DNAH1: variants seen among roughly 807,000 people sequenced by gnomAD.
The protein encoded by DNAH1 is axonemal beta dynein heavy chain 1.
Under a neutral mutation model 484.3 loss-of-function variants are expected in DNAH1, and 327 were observed. The observed-to-expected ratio is 0.68, with a 90% confidence interval of 0.62 to 0.74. The LOEUF (loss-of-function observed/expected upper bound fraction) is 0.74. DNAH1 is among the 30% of genes least tolerant of loss of function. DNAH1 has a pLI of 0.00. For missense variants in DNAH1, 5,052 were observed against 5,546.8 expected (o/e 0.91, Z 2.83); for synonymous variants, 2,192 against 2,191.9 (o/e 1.00, Z 0.00).
chr3:52,316,562 C>T lies in DNAH1; in HGVS notation c.-35+17C>T, dbSNP rs1700958688. 6.6e-6 allele frequency: 1 copy of T among 152,252 alleles called. No individual in the cohort carries two copies. The highest frequency in any genetic ancestry group is 1.9e-4 in the East Asian group (1 of 5,200). The allele number at this position is 152,252 out of a possible 1,614,324, so 9.4% of individuals were successfully genotyped here. ...TCTTGAAGGGTGAGTAGGAGTCCGC[C>T]AGATGCAGGAGTGGATGGAGACAGG... On this transcript the variant is annotated intron_variant, in intron 1 of 77. Coordinates refer to ENST00000420323, the MANE Select transcript of DNAH1 (RefSeq NM_015512.5).
In DNAH1 at chr3:52,384,880, G is replaced by GC; in HGVS notation, c.8418dup (p.Tyr2807LeufsTer38). ...CGCCACAACTATGTGACCCCCAAGA[G>GC]CTACTTGGAGCTGCTTCATATTTTC... On this transcript the variant is annotated frameshift_variant, in exon 53 of 78. Coordinates refer to ENST00000420323, the MANE Select transcript of DNAH1 (RefSeq NM_015512.5). LOFTEE classifies it high-confidence loss of function. 6.2e-7 allele frequency: 1 copy of GC among 1,613,390 alleles called. No homozygotes were observed. Among genetic ancestry groups the GC allele is most frequent in the Non-Finnish European group, 8.5e-7 (1 of 1,179,612 alleles).
chr3:52,389,711 C>A (rs1229044971), intron 60 of DNAH1, 125 bp downstream of exon 60: 2 of 1,116,588 alleles, frequency 1.8e-6, no homozygotes, highest in East Asian at 3.3e-5. Flanking sequence ...CTCTGCTGAA[C>A]CCTCCTGTGC....
chr3:52,348,776 C>T, intron 12 of DNAH1, 112 bp from the exon 13 acceptor site: 1 of 1,192,626 alleles, frequency 8.4e-7, no homozygotes. Context: ...AGGCTTCAGG[C>T]CACATCCTGC....
upstream of DNAH1, among the ~76,000 whole-genome samples, chr3:52,315,936 GA>G (rs1432007661): frequency 6.6e-6 from 1 of 152,230 alleles, no homozygotes; most frequent in African/African-American, 2.4e-5. Flanking sequence ...GAAGAGGGGC[GA>G]AGTGGAGCTG....
Position 52,393,456 on chromosome 3 carries a change from A to G in DNAH1, c.10597A>G (p.Ile3533Val). 1 of 1,614,050 alleles carries G rather than the reference A, an allele frequency of 6.2e-7. No individual in the cohort carries two copies. The highest frequency in any genetic ancestry group is 8.5e-7 in the Non-Finnish European group (1 of 1,179,898). Residue 3533 changes from isoleucine (I) to valine (V), a missense_variant, in exon 66 of 78, where the codon ATC (isoleucine) becomes GTC (valine). Ile to Val is a conservative substitution (Grantham distance 29, BLOSUM62 3). This residue lies in a region of DNAH1 where 2,929 missense variants were observed against 3,409.4 expected (regional missense o/e 0.86). Coordinates refer to ENST00000420323, the MANE Select transcript of DNAH1 (RefSeq NM_015512.5). ...GTTTGCCTTCCTGCTGTGTGTTCGC[A>G]TCATGATGAACGAGGGCAAAATCAA... The part of the protein sequence containing the change: ...LMFAFLLCVR[I>V]MMNEGKINQS...
chr3:52,342,279 C>T (rs1420709069), intron 8 of DNAH1, among the ~76,000 whole-genome samples: 6 of 152,202 alleles, frequency 3.9e-5, no homozygotes, highest in Non-Finnish European at 7.3e-5. Flanking sequence ...GGCCACAGGC[C>T]GACAGTCTGT....
Position 52,396,692 on chromosome 3 carries a change from G to A in DNAH1, c.11505G>A (p.Gly3835=), listed in dbSNP as rs2153225777. The A allele has an allele frequency of 6.2e-7, 1 of 1,613,796 alleles. No homozygotes were observed. The highest frequency in any genetic ancestry group is 1.7e-5 in the Admixed American group (1 of 60,024). Residue 3835 remains glycine (G), a synonymous_variant, in exon 72 of 78, where the codon GGG becomes GGA. Coordinates refer to ENST00000420323, the MANE Select transcript of DNAH1 (RefSeq NM_015512.5). ...HGNALERRKF[G]PLGFNIPYEF... ...ACGCCCTGGAGCGCCGTAAGTTTGG[G>A]CCCCTGGGCTTCAACATCCCCTATG... is the stretch of plus-strand genomic sequence containing the variant.
At chr3:52,360,529 C>T (rs1313430627) in intron 28 of DNAH1, 105 bp downstream of exon 28, 27 of 922,794 alleles carry the variant, frequency 2.9e-5, no homozygotes, top group Non-Finnish European at 3.3e-6. Context: ...TCTAGTCCAT[C>T]AGAGCAGTAC....
chr3:52,355,058 C>T lies in DNAH1; in HGVS notation c.3693+3C>T, dbSNP rs756548733. 8.1e-6 allele frequency: 13 copies of T among 1,612,738 alleles called. No homozygotes were observed. Among genetic ancestry groups the T allele is most frequent in the East Asian group, 4.5e-5 (2 of 44,894 alleles). On this transcript the variant is annotated splice_donor_region_variant and intron_variant, in intron 21 of 77. Transcript: ENST00000420323. The surrounding 1 kb of genome is among the most constrained non-coding windows in gnomAD (Gnocchi z 4.5). ...AGAACAAACTGAAGCTGACCCAGGT[C>T]GGCCCTCCCCCCAGTCCTTCCCTCA... is the stretch of plus-strand genomic sequence containing the variant.
At chr3:52,331,430 C>G in intron 7 of DNAH1, 121 bp downstream of exon 7, 1 of 1,195,484 alleles carries the variant, frequency 8.4e-7, no homozygotes, top group East Asian at 2.6e-5. Flanking sequence ...TTCTGTTTGC[C>G]CAATGCCCTG....
At chr3:52,321,320 T>C (rs1417874136) in intron 1 of DNAH1, among the ~76,000 whole-genome samples, 1 of 152,160 alleles carries the variant, frequency 6.6e-6, no homozygotes, top group East Asian at 1.9e-4. Context: ...TTCACTGTGT[T>C]GGTCAGGCTG....
chr3:52,321,111 T>G (rs1701131274), intron 1 of DNAH1, among the ~76,000 whole-genome samples: 1 of 134,984 alleles, frequency 7.4e-6, no homozygotes, highest in African/African-American at 3.5e-5. Context: ...TTTCTTTCTT[T>G]TTTCTTTTTT....
Position 52,349,413 on chromosome 3 carries a change from T to C in DNAH1, c.2519T>C (p.Val840Ala). 2 of 1,613,534 alleles carry C rather than the reference T, an allele frequency of 1.2e-6. No individual in the cohort carries two copies. The highest frequency in any genetic ancestry group is 1.7e-6 in the Non-Finnish European group (2 of 1,179,824). ...DILAKNLHKE[V>A]DSICEEFRSI... The stretch of plus-strand genomic sequence containing the variant: ...CTTGCCAAGAACCTGCATAAGGAGG[T>C]GGATAGCGTAAGTGCCCACCTGCCC... The change falls in exon 14 of 78, where the codon GTG (valine) becomes GCG (alanine). Residue 840 changes from valine to alanine, a missense_variant. Physicochemically the swap from Val to Ala is moderately conservative, Grantham distance 64 (BLOSUM62 0). Transcript: ENST00000420323.
rs776970930 is a variant in DNAH1 at position 52,364,929 on chromosome 3, C to G, written c.5428C>G (p.Pro1810Ala). 1 of 1,613,984 alleles carries G rather than the reference C, an allele frequency of 6.2e-7. No homozygotes were observed. Among genetic ancestry groups the G allele is most frequent in the Non-Finnish European group, 8.5e-7 (1 of 1,179,878 alleles). The change falls in exon 34 of 78, where the codon CCC (proline) becomes GCC (alanine). Residue 1810 changes from proline (P) to alanine (A), a missense_variant. Pro to Ala is a conservative substitution (Grantham distance 27). Around this residue, in one of 4 missense-constraint regions of DNAH1, gnomAD observed 2,929 missense variants for 3,409.4 expected, o/e 0.86. Transcript: ENST00000420323. The surrounding 1 kb of genome is among the most constrained non-coding windows in gnomAD (Gnocchi z 4.2). ...LFSGIVSDLF[P>A]TIKEEDTDYG... ...CTCTGGCATCGTGTCCGACCTGTTT[C>G]CCACCATCAAGGAGGAGGACACGGA...
chr3:52,328,208 G>A (rs930113899), intron 6 of DNAH1, among the ~76,000 whole-genome samples, 194 bp downstream of exon 6: 4 of 152,220 alleles, frequency 2.6e-5, no homozygotes, highest in Non-Finnish European at 4.4e-5. Context: ...ATCGTTGGGA[G>A]AGCTGGAAAA....
chr3:52,311,653 C>T (rs1394835988), upstream of DNAH1, among the ~76,000 whole-genome samples: 1 of 152,206 alleles, frequency 6.6e-6, no homozygotes, highest in East Asian at 1.9e-4. Flanking sequence ...CGCAAGGCCC[C>T]CTTCCCTCCA....
At chr3:52,373,422 G>T (rs772974814) in intron 44 of DNAH1, among the ~76,000 whole-genome samples, 1 of 152,242 alleles carries the variant, frequency 6.6e-6, no homozygotes. Flanking sequence ...GAAGGAGAAA[G>T]AATCACCAAA....
intron 27 of DNAH1, 40 bp from the exon 28 acceptor site, chr3:52,360,264 GTGGCCCA>G: frequency 6.4e-7 from 1 of 1,561,666 alleles, no homozygotes; most frequent in Middle Eastern, 1.7e-4. Flanking sequence ...ACCCTGCCCA[GTGGCCCA>G]TTGCCCCATG....
At chr3:52,363,524 G>A (rs534676634) in intron 32 of DNAH1, among the ~76,000 whole-genome samples, 3 of 152,286 alleles carry the variant, frequency 2.0e-5, no homozygotes, top group African/African-American at 4.8e-5. Context: ...CAGGCCCTCC[G>A]AGCCTCCCAG....
Sources: gnomAD v4.1 joint callset for allele counts (sites outside exome capture counted in the v4.1 genomes callset) on GRCh38, gnomAD v4.1.1 for gene constraint, gnomAD v4.1.1 regional missense constraint, Gnocchi (gnomAD v3.1) non-coding constraint, MANE v1.5 for transcripts, NCBI Gene and HGNC (gene_info 2026-07-23, HGNC 2026-07-21) for gene names.